The following SIPA1L2 variants were observed in gnomAD, a reference collection of about 807,000 sequenced individuals.
The protein encoded by SIPA1L2 is signal induced proliferation associated 1 like 2.
A neutral mutation model predicts 163.9 loss-of-function variants in SIPA1L2; 56 were observed. The observed-to-expected ratio is 0.34, with a 90% confidence interval of 0.28 to 0.43. The LOEUF (loss-of-function observed/expected upper bound fraction) is 0.43, where lower values mean the gene tolerates loss of function less well. Ranked by LOEUF, SIPA1L2 falls within the 20% of genes least tolerant of loss-of-function variation. The probability of loss-of-function intolerance (pLI) is 1.00; values close to 1 mark genes in which losing one functional copy is unlikely to be tolerated. For missense variants in SIPA1L2, 1,974 were observed against 2,193.5 expected (o/e 0.90, Z 2.00); for synonymous variants, 877 against 865.7 (o/e 1.01, Z -0.23).
At chr1:232,577,507 A>G (rs1660144388) in intron 1 of SIPA1L2, among the ~76,000 whole-genome samples, 1 of 152,176 alleles carries the variant, frequency 6.6e-6, no homozygotes, top group South Asian at 2.1e-4. Context: ...TATAGCTATC[A>G]CAGATAGCAA....
intron 1 of SIPA1L2, among the ~76,000 whole-genome samples, chr1:232,627,686 T>C (rs1354423688): frequency 1.3e-5 from 2 of 152,184 alleles, no homozygotes; most frequent in South Asian, 2.1e-4. Flanking sequence ...TTTCAAAACA[T>C]AAAAAGCATC....
chr1:232,508,074 A>G (rs1392442769), intron 3 of SIPA1L2, among the ~76,000 whole-genome samples: 1 of 152,234 alleles, frequency 6.6e-6, no homozygotes, highest in Non-Finnish European at 1.5e-5. Context: ...TGAAAAAAAG[A>G]TATAGATTCG....
At chr1:232,435,522 C>T (rs1257220106) in intron 15 of SIPA1L2, among the ~76,000 whole-genome samples, 2 of 152,192 alleles carry the variant, frequency 1.3e-5, no homozygotes, top group African/African-American at 4.8e-5. Context: ...CGGAGTTATA[C>T]TGCTGACGTC....
intron 1 of SIPA1L2, among the ~76,000 whole-genome samples, chr1:232,586,503 A>G (rs10752791): frequency 0.51 from 77,224 of 152,026 alleles, 20,467 homozygotes; most frequent in East Asian, 0.75. Context: ...ATTCACAGGA[A>G]GAGCTCGTCA....
At chr1:232,454,402 T>A (rs1663770996) in intron 10 of SIPA1L2, among the ~76,000 whole-genome samples, 1 of 152,220 alleles carries the variant, frequency 6.6e-6, no homozygotes, top group African/African-American at 2.4e-5. Context: ...GCAGATGGTA[T>A]CTTTGTATCC....
intron 2 of SIPA1L2, among the ~76,000 whole-genome samples, chr1:232,563,755 C>T (rs887437936): frequency 1.3e-5 from 2 of 152,160 alleles, no homozygotes; most frequent in Non-Finnish European, 2.9e-5. Context: ...CGCTCTGTTG[C>T]CCAGGCTGGA....
rs144291465 is a variant in SIPA1L2, at chr1:232,493,384, T to C, written c.1617+143A>G. 757 of 1,133,230 alleles carry C rather than the reference T, an allele frequency of 6.7e-4. 9 individuals carry two copies. The African/African-American group carries it at 0.011, about 17-fold the overall frequency. The allele number at this position is 1,133,230 out of a possible 1,614,324, so 70.2% of individuals were successfully genotyped here. A position where few individuals can be genotyped will look rare whatever the true frequency, so the allele number is the denominator to read the frequency against. On this transcript the variant is annotated intron_variant, in intron 4 of 22. Coordinates refer to ENST00000674635, the MANE Select transcript of SIPA1L2 (RefSeq NM_020808.5). The stretch of plus-strand genomic sequence containing the variant: ...TTTCATTTAGAATAAAATACTGCAA[T>C]GCCCTTTTTAATTATCTTAAATGTT...
At chr1:232,507,009 C>T (rs909712840) in intron 3 of SIPA1L2, among the ~76,000 whole-genome samples, 8 of 152,098 alleles carry the variant, frequency 5.3e-5, no homozygotes, top group Admixed American at 4.6e-4. Context: ...TATTTTGGTA[C>T]ATTTGTTATG....
intron 11 of SIPA1L2, among the ~76,000 whole-genome samples, chr1:232,445,000 A>G (rs1663126343): frequency 6.6e-6 from 1 of 152,244 alleles, no homozygotes; most frequent in African/African-American, 2.4e-5. Context: ...CCAGCTTCCA[A>G]TGGTACTGGA....
In SIPA1L2 at chr1:232,627,532, G is replaced by GA. The variant is rs551187304; in HGVS notation, c.-319+2336dup. Reference sequence around the variant, plus strand: ...TCCCAGTCTTGCGGGGTGAGGGGGAGAAAAAAAAAAACACCTTCCAAATCC... The same window carrying GA: ...TCCCAGTCTTGCGGGGTGAGGGGGAGAAAAAAAAAAAACACCTTCCAAATCC... On this transcript the variant is annotated intron_variant, in intron 1 of 22. Transcript: ENST00000674635. Among the ~76,000 whole-genome samples the GA allele has an allele frequency of 6.7e-4, 95 of 141,988 alleles. No homozygotes were observed. In the Middle Eastern group the frequency reaches 0.014, roughly 22 times the overall value. The allele number at this position is 141,988 out of a possible 152,430, so 93.1% of individuals were successfully genotyped here.
rs557784755 is a variant in SIPA1L2, at chr1:232,460,472, A to C, written c.3095+415T>G. 5.9e-5 allele frequency among the ~76,000 whole-genome samples: 9 copies of C among 152,222 alleles called. No individual in the cohort carries two copies. The East Asian group carries it at 1.2e-3, about 20-fold the overall frequency. ...CTATTGGTCTGTTAAATATTTTTTAAATAATCAATGGCTTCATGTTATGGG... is the reference window on the plus strand; with the variant it reads ...CTATTGGTCTGTTAAATATTTTTTACATAATCAATGGCTTCATGTTATGGG... On this transcript the variant is annotated intron_variant, in intron 10 of 22. Coordinates refer to ENST00000674635, the MANE Select transcript of SIPA1L2 (RefSeq NM_020808.5).
chr1:232,441,319 C>T lies in SIPA1L2; in HGVS notation c.3614G>A (p.Cys1205Tyr). 1 of 1,593,680 alleles carries T rather than the reference C, an allele frequency of 6.3e-7. No homozygotes were observed. The highest frequency in any genetic ancestry group is 8.5e-7 in the Non-Finnish European group (1 of 1,175,452). Residue 1205 changes from cysteine (C) to tyrosine (Y), a missense_variant, in exon 14 of 23, where the codon TGC (cysteine) becomes TAC (tyrosine). Cys to Tyr is a radical substitution (Grantham distance 194). Coordinates refer to ENST00000674635, the MANE Select transcript of SIPA1L2 (RefSeq NM_020808.5). ...AGAAAGCTTATTGGGGGAATCTTTG[C>T]AACTTCCATCTTTCTGCAGAGCTCT... ...KERALQKDGS[C>Y]KDSPNKLSHI...
At chr1:232,468,107 C>T (rs1325972513) in intron 8 of SIPA1L2, among the ~76,000 whole-genome samples, 1 of 152,136 alleles carries the variant, frequency 6.6e-6, no homozygotes, top group African/African-American at 2.4e-5. Flanking sequence ...ATTAGAGACC[C>T]TTGGTTACAA....
intron 1 of SIPA1L2, among the ~76,000 whole-genome samples, chr1:232,628,923 GT>G (rs201518538): frequency 1.5e-3 from 224 of 148,592 alleles, no homozygotes; most frequent in Non-Finnish European, 2.3e-3. Context: ...TTTTTTCCTT[GT>G]TTTTTTTAAA....
chr1:232,460,112 C>G (rs1664151663), intron 10 of SIPA1L2, among the ~76,000 whole-genome samples: 1 of 152,212 alleles, frequency 6.6e-6, no homozygotes, highest in Admixed American at 6.5e-5. Context: ...GATACTACCA[C>G]CAGTCATGCA....
intron 22 of SIPA1L2, 103 bp from the exon 23 acceptor site, chr1:232,399,376 C>CT (rs1460347017): frequency 1.0e-5 from 13 of 1,301,564 alleles, no homozygotes; most frequent in Non-Finnish European, 1.4e-5. Context: ...TACTTATGTA[C>CT]TTTTTGAGGG....
intron 2 of SIPA1L2, among the ~76,000 whole-genome samples, chr1:232,558,414 C>G (rs986342842): frequency 6.6e-6 from 1 of 152,174 alleles, no homozygotes; most frequent in Admixed American, 6.5e-5. Context: ...GCCCCACCCC[C>G]GGCCACGGTT....
Position 232,514,013 on chromosome 1 carries a change from CG to C in SIPA1L2, c.1326del (p.Phe442LeufsTer31). The C allele has an allele frequency of 6.2e-7, 1 of 1,614,174 alleles. No individual in the cohort carries two copies. ...GTGCAGTGAGAGCTGAGTGACGATT[CG>C]AAAGAGCAGCTTTCCCCAGAACTGA... ...SSFSSGESCS[F>X]ESSLSSHCTN... On this transcript the variant is annotated frameshift_variant, in exon 3 of 23. Coordinates refer to ENST00000674635, the MANE Select transcript of SIPA1L2 (RefSeq NM_020808.5). LOFTEE classifies it high-confidence loss of function.
At chr1:232,599,030 G>A (rs972005468) in intron 1 of SIPA1L2, among the ~76,000 whole-genome samples, 14 of 149,302 alleles carry the variant, frequency 9.4e-5, no homozygotes, top group Non-Finnish European at 1.9e-4. Flanking sequence ...AATGTAATTC[G>A]ACAGCTGCTT....
Sources: gnomAD v4.1 joint callset for allele counts (sites outside exome capture counted in the v4.1 genomes callset) on GRCh38, gnomAD v4.1.1 for gene constraint, MANE v1.5 for transcripts, NCBI Gene and HGNC (gene_info 2026-07-23, HGNC 2026-07-21) for gene names.